The following RPS6KC1 variants were observed in gnomAD, a reference collection of about 807,000 sequenced individuals.
The protein encoded by RPS6KC1 is inactive ribosomal protein S6 kinase delta-1.
Under a neutral mutation model 103.8 loss-of-function variants are expected in RPS6KC1, and 54 were observed. The observed-to-expected ratio is 0.52, with a 90% CI of 0.42 to 0.65. The LOEUF (loss-of-function observed/expected upper bound fraction) is 0.65. Among genes scored for constraint, RPS6KC1 ranks in the 30% least tolerant of loss-of-function variants. The pLI is 0.00. For synonymous variants in RPS6KC1, 439 were observed against 438.7 expected (o/e 1.00, Z -0.01); for missense variants, 1,151 against 1,253.8 (o/e 0.92, Z 1.24).
At chr1:213,685,131 A>T in the RPS6KC1 span, among the ~76,000 whole-genome samples, 20 of 152,272 alleles carry the variant, frequency 1.3e-4, no homozygotes. Flanking sequence ...TGTCAACATT[A>T]CATGCTTGAG....
chr1:213,569,930 G>C, the RPS6KC1 span, among the ~76,000 whole-genome samples: 3 of 152,224 alleles, frequency 2.0e-5, no homozygotes, highest in East Asian at 5.8e-4. Flanking sequence ...TCCATAGGAA[G>C]TTAATTGAAG....
the RPS6KC1 span, among the ~76,000 whole-genome samples, chr1:213,398,100 C>T: frequency 6.6e-6 from 1 of 151,228 alleles, no homozygotes; most frequent in Non-Finnish European, 1.5e-5. Flanking sequence ...GGTGCGATCT[C>T]GGCTCACTGA....
the RPS6KC1 span, among the ~76,000 whole-genome samples, chr1:213,303,967 A>G: frequency 6.6e-6 from 1 of 151,800 alleles, no homozygotes; most frequent in African/African-American, 2.4e-5. Context: ...GCACTCTGGG[A>G]GGCCGAGGCA....
At chr1:213,119,212 C>T (rs1162843061) in intron 5 of RPS6KC1, among the ~76,000 whole-genome samples, 1 of 151,516 alleles carries the variant, frequency 6.6e-6, no homozygotes, top group African/African-American at 2.4e-5. Context: ...TTTGGGAGGC[C>T]AAGGCAGGCG....
chr1:213,781,041 C>T, the RPS6KC1 span, among the ~76,000 whole-genome samples: 1 of 152,050 alleles, frequency 6.6e-6, no homozygotes, highest in African/African-American at 2.4e-5. Context: ...AAACAAACAA[C>T]AAACAAACAA....
At position 213,232,360 on chromosome 1, in the gene RPS6KC1, T is replaced by A. The variant is rs569594568; in HGVS notation, c.1225+105T>A. ...GCAGATAGAATATATGAAACACGTT[T>A]AAGAAACCATTTCCTATTCCTCTGC... On this transcript the variant is annotated intron_variant, in intron 10 of 14. Coordinates refer to ENST00000366960, the MANE Select transcript of RPS6KC1 (RefSeq NM_012424.6). 9 of 1,414,668 alleles carry A rather than the reference T, an allele frequency of 6.4e-6. 1 individual carries two copies. The South Asian group carries it at 9.7e-5, about 15-fold the overall frequency. 87.6% of individuals were successfully genotyped at this position (1,414,668 alleles called of 1,614,324 possible). A position where few individuals can be genotyped will look rare whatever the true frequency, so the allele number is the denominator to read the frequency against.
chr1:213,824,634 C>T, the RPS6KC1 span, among the ~76,000 whole-genome samples: 3 of 152,084 alleles, frequency 2.0e-5, no homozygotes, highest in Admixed American at 6.5e-5. Flanking sequence ...ATGCTGTTCT[C>T]GTGATAGTGA....
chr1:213,158,253 T>G (rs544245477), intron 6 of RPS6KC1, among the ~76,000 whole-genome samples: 136 of 152,242 alleles, frequency 8.9e-4, no homozygotes, highest in Non-Finnish European at 1.6e-3. Context: ...GTACTGTGAC[T>G]TCTTGCTACT....
chr1:213,786,852 A>C, the RPS6KC1 span, among the ~76,000 whole-genome samples: 1 of 152,226 alleles, frequency 6.6e-6, no homozygotes, highest in Non-Finnish European at 1.5e-5. Flanking sequence ...TTAGAGACTT[A>C]TTCTTTTGAG....
chr1:213,488,499 G>T, the RPS6KC1 span, among the ~76,000 whole-genome samples: 1 of 152,150 alleles, frequency 6.6e-6, no homozygotes, highest in Non-Finnish European at 1.5e-5. Flanking sequence ...GTCTGTCATA[G>T]CGTCTGTTTC....
chr1:213,742,071 G>A, the RPS6KC1 span, among the ~76,000 whole-genome samples: 58 of 152,266 alleles, frequency 3.8e-4, no homozygotes, highest in South Asian at 4.1e-3. Context: ...TGGCCAGGAG[G>A]GGGTGGAGGA....
At chr1:213,244,528 TTTGTGCTTGAACA>T (rs1269899033) in intron 12 of RPS6KC1, among the ~76,000 whole-genome samples, 369 of 152,292 alleles carry the variant, frequency 2.4e-3, no homozygotes, top group Middle Eastern at 0.017. Flanking sequence ...TATCTGTAAA[TTTGTGCTTGAACA>T]TTCTAGCAGA....
At chr1:213,250,505 C>T (rs1049125363) in intron 12 of RPS6KC1, among the ~76,000 whole-genome samples, 1 of 152,028 alleles carries the variant, frequency 6.6e-6, no homozygotes, top group Non-Finnish European at 1.5e-5. Flanking sequence ...GCAAAATGCC[C>T]ATTTGAAAGG....
chr1:213,339,223 GCCA>G, the RPS6KC1 span, among the ~76,000 whole-genome samples: 3 of 152,134 alleles, frequency 2.0e-5, no homozygotes, highest in African/African-American at 7.2e-5. Flanking sequence ...CTGAGACCAT[GCCA>G]TTGCACTCCA....
chr1:213,573,645 C>T, the RPS6KC1 span, among the ~76,000 whole-genome samples: 1 of 152,162 alleles, frequency 6.6e-6, no homozygotes, highest in Admixed American at 6.5e-5. Flanking sequence ...ATTGCTTTTT[C>T]CTGGAACAAA....
At chr1:213,500,226 A>T in the RPS6KC1 span, among the ~76,000 whole-genome samples, 3 of 152,170 alleles carry the variant, frequency 2.0e-5, no homozygotes, top group African/African-American at 4.8e-5. Flanking sequence ...AACTTTTTAA[A>T]CTTTTTTATT....
chr1:213,830,589 CT>C, the RPS6KC1 span, among the ~76,000 whole-genome samples: 1 of 151,556 alleles, frequency 6.6e-6, no homozygotes, highest in South Asian at 2.1e-4. Flanking sequence ...GCCCCTCCAC[CT>C]TCAACGGCCA....
chr1:213,569,293 A>G, the RPS6KC1 span, among the ~76,000 whole-genome samples: 3 of 152,122 alleles, frequency 2.0e-5, no homozygotes, highest in African/African-American at 7.2e-5. Flanking sequence ...TCATTTTCAG[A>G]AAAACAGCCT....
At chr1:213,854,117 T>G in the RPS6KC1 span, among the ~76,000 whole-genome samples, 1 of 152,212 alleles carries the variant, frequency 6.6e-6, no homozygotes, top group Non-Finnish European at 1.5e-5. Context: ...TAGTCCCTGT[T>G]AGTCTCTGCA....
Sources: gnomAD v4.1 joint callset for allele counts (sites outside exome capture counted in the v4.1 genomes callset) on GRCh38, gnomAD v4.1.1 for gene constraint, MANE v1.5 for transcripts, NCBI Gene and HGNC (gene_info 2026-07-23, HGNC 2026-07-21) for gene names.